The following RPRD2 variants were observed in gnomAD, a reference collection of about 807,000 sequenced individuals.
RPRD2 encodes the protein regulation of nuclear pre-mRNA domain-containing protein 2.
In RPRD2, 12 loss-of-function variants were observed where a neutral mutation model predicts 104.4. That is an observed-to-expected ratio of 0.11 (90% CI 0.07 to 0.19). The LOEUF (loss-of-function observed/expected upper bound fraction) is 0.19, where lower values mean the gene tolerates loss of function less well. Ranked by LOEUF, RPRD2 falls within the 10% of genes least tolerant of loss-of-function variation. The pLI is 1.00. For missense variants in RPRD2, 1,543 were observed against 1,790.1 expected (o/e 0.86, Z 2.49); for synonymous variants, 714 against 684.9 (o/e 1.04, Z -0.66).
chr1:150,392,066 G>A (rs1662117193), intron 1 of RPRD2, among the ~76,000 whole-genome samples: 1 of 151,074 alleles, frequency 6.6e-6, no homozygotes, highest in South Asian at 2.1e-4. Flanking sequence ...CAGGCATGGT[G>A]GCAGGCACCT....
Position 150,475,346 on chromosome 1 carries a change from G to T in RPRD2, c.*2012G>T, listed in dbSNP as rs1056714681. The T allele has an allele frequency of 1.3e-5, 2 of 152,154 alleles. No individual in the cohort carries two copies. Among genetic ancestry groups the T allele is most frequent in the Non-Finnish European group, 2.9e-5 (2 of 67,990 alleles). 9.4% of individuals were successfully genotyped at this position (152,154 alleles called of 1,614,324 possible). A position where few individuals can be genotyped will look rare whatever the true frequency, so the allele number is the denominator to read the frequency against. ...GGATGTTTTTCATTCTAGAATAAAA[G>T]AATGTGAATTCTCTTTGCTGCTCTT... is the stretch of plus-strand genomic sequence containing the variant. On this transcript the variant is annotated 3_prime_UTR_variant, in exon 11 of 11. Transcript: ENST00000369068.
intron 1 of RPRD2, among the ~76,000 whole-genome samples, chr1:150,372,875 G>A (rs1271201048): frequency 6.6e-6 from 1 of 152,140 alleles, no homozygotes; most frequent in African/African-American, 2.4e-5. Context: ...ATTAGTGGAT[G>A]AGTTCAAAGA....
Position 150,373,261 on chromosome 1 carries a change from G to A in RPRD2, c.205+8342G>A, listed in dbSNP as rs893410182. On this transcript the variant is annotated intron_variant, in intron 1 of 10. Coordinates refer to ENST00000369068, the MANE Select transcript of RPRD2 (RefSeq NM_015203.5). ...ACTCCTGACCTCAAGTGATCCGCCC[G>A]CCTCAGCCTCCCAAAGTGCTGGGAT... Among the ~76,000 whole-genome samples, 11 of 152,032 alleles carry A rather than the reference G, an allele frequency of 7.2e-5. 1 individual carries two copies. Among genetic ancestry groups the A allele is most frequent in the African/African-American group, 2.7e-4 (11 of 41,490 alleles).
intron 1 of RPRD2, among the ~76,000 whole-genome samples, chr1:150,380,101 A>G (rs1661014685): frequency 6.6e-6 from 1 of 152,202 alleles, no homozygotes; most frequent in African/African-American, 2.4e-5. Flanking sequence ...TTATTTTGCC[A>G]AAAATGGACA....
intron 2 of RPRD2, among the ~76,000 whole-genome samples, chr1:150,434,357 A>G (rs782295976): frequency 6.6e-6 from 1 of 152,134 alleles, no homozygotes; most frequent in East Asian, 1.9e-4. Flanking sequence ...CTGTCTATGT[A>G]TATATATATG....
At chr1:150,460,519 C>T (rs1667860471) in intron 9 of RPRD2, among the ~76,000 whole-genome samples, 1 of 151,892 alleles carries the variant, frequency 6.6e-6, no homozygotes, top group African/African-American at 2.4e-5. Context: ...TCTGCTGCTT[C>T]AGCCTCCCAA....
chr1:150,471,082 C>T lies in RPRD2; in HGVS notation c.2134C>T (p.Pro712Ser), dbSNP rs1269944792. The T allele has an allele frequency of 6.2e-7, 1 of 1,613,940 alleles. No individual in the cohort carries two copies. The highest frequency in any genetic ancestry group is 1.1e-5 in the South Asian group (1 of 91,074). The stretch of plus-strand genomic sequence containing the variant: ...CCATCCCTCAGACTTCCAGCGTGGC[C>T]CTACTAGCACCTCAATCGACAACAT... Reference protein sequence around the residue: ...ESHPSDFQRGPTSTSIDNIDG... With the variant: ...ESHPSDFQRGSTSTSIDNIDG... Residue 712 changes from proline to serine, a missense_variant, in exon 11 of 11, where the codon CCT (proline) becomes TCT (serine). By Grantham distance (74) the Pro-to-Ser change is moderately conservative (BLOSUM62 -1). Coordinates refer to ENST00000369068, the MANE Select transcript of RPRD2 (RefSeq NM_015203.5). This position sits in a 1 kb window ranked among gnomAD's most constrained non-coding sequence, Gnocchi z 5.3.
chr1:150,454,289 T>C (rs587768883), intron 7 of RPRD2, among the ~76,000 whole-genome samples: 1 of 152,290 alleles, frequency 6.6e-6, no homozygotes, highest in East Asian at 1.9e-4. Flanking sequence ...CCTTTTTGCC[T>C]TAATTCTCAG....
intron 2 of RPRD2, among the ~76,000 whole-genome samples, chr1:150,428,080 A>G (rs763875577): frequency 8.5e-5 from 13 of 152,204 alleles, no homozygotes; most frequent in Non-Finnish European, 1.8e-4. Context: ...AAAGTGGTAC[A>G]TTACGGAAGA....
At chr1:150,451,527 T>G (rs12126240) in intron 7 of RPRD2, among the ~76,000 whole-genome samples, 1 of 150,504 alleles carries the variant, frequency 6.6e-6, no homozygotes, top group Admixed American at 6.6e-5. Flanking sequence ...TACAAAAAAT[T>G]AGCCGGGCGC....
chr1:150,463,551 A>C (rs1553899296), intron 9 of RPRD2, among the ~76,000 whole-genome samples: 6 of 152,002 alleles, frequency 3.9e-5, no homozygotes, highest in African/African-American at 9.7e-5. Flanking sequence ...TTCTCACTTA[A>C]GTTTCTTTGT....
At chr1:150,454,297 C>T (rs1553897173) in intron 7 of RPRD2, among the ~76,000 whole-genome samples, 1 of 152,088 alleles carries the variant, frequency 6.6e-6, no homozygotes, top group Admixed American at 6.6e-5. Flanking sequence ...CCTTAATTCT[C>T]AGCTTCTTGC....
chr1:150,392,379 C>A (rs1041150560), intron 1 of RPRD2, among the ~76,000 whole-genome samples: 5 of 152,116 alleles, frequency 3.3e-5, no homozygotes, highest in African/African-American at 1.2e-4. Context: ...GTGGCACATG[C>A]CTGTAATCCC....
chr1:150,375,396 C>G (rs1660617846), intron 1 of RPRD2, among the ~76,000 whole-genome samples: 1 of 152,122 alleles, frequency 6.6e-6, no homozygotes, highest in Non-Finnish European at 1.5e-5. Context: ...ATGGAGGTAT[C>G]TTGAAAGGAA....
intron 1 of RPRD2, among the ~76,000 whole-genome samples, chr1:150,399,394 C>T (rs1038636916): frequency 2.6e-5 from 4 of 152,124 alleles, no homozygotes; most frequent in African/African-American, 9.7e-5. Flanking sequence ...TCCAATTGTT[C>T]GAGCACCATT....
In RPRD2 at chr1:150,445,937, A is replaced by G. The variant is rs587672460; in HGVS notation, c.695-289A>G. On this transcript the variant is annotated intron_variant, in intron 6 of 10. Coordinates refer to ENST00000369068, the MANE Select transcript of RPRD2 (RefSeq NM_015203.5). ...CAAAAAATTAGCTGGGCGTGGTGGC[A>G]GGCGCCTGTAGTCCCAGCCACTCGG... Among the ~76,000 whole-genome samples, 6 of 152,154 alleles carry G rather than the reference A, an allele frequency of 3.9e-5. No homozygotes were observed. The South Asian group carries it at 1.2e-3, about 32-fold the overall frequency.
intron 1 of RPRD2, among the ~76,000 whole-genome samples, chr1:150,377,541 T>C (rs1572350881): frequency 6.8e-6 from 1 of 146,926 alleles, no homozygotes. Flanking sequence ...GAGCTGGCAG[T>C]GAGCCGAGAT....
chr1:150,368,085 T>A (rs587660419), intron 1 of RPRD2, among the ~76,000 whole-genome samples: 1 of 152,144 alleles, frequency 6.6e-6, no homozygotes, highest in Admixed American at 6.6e-5. Context: ...GATCTGTAAG[T>A]CCTGTACCAT....
chr1:150,444,630 G>C (rs1399119050), intron 6 of RPRD2, among the ~76,000 whole-genome samples: 1 of 151,732 alleles, frequency 6.6e-6, no homozygotes, highest in Non-Finnish European at 1.5e-5. Flanking sequence ...AATTGGTATG[G>C]GTATGCTCTT....
Sources: gnomAD v4.1 joint callset for allele counts (sites outside exome capture counted in the v4.1 genomes callset) on GRCh38, gnomAD v4.1.1 for gene constraint, Gnocchi (gnomAD v3.1) non-coding constraint, MANE v1.5 for transcripts, NCBI Gene and HGNC (gene_info 2026-07-23, HGNC 2026-07-21) for gene names.